The following PHKA2 variants were observed in gnomAD, a reference collection of about 807,000 sequenced individuals.
PHKA2 encodes the protein phosphorylase b kinase regulatory subunit alpha, liver isoform.
A neutral mutation model predicts 102.0 loss-of-function variants in PHKA2; 31 were observed. The observed-to-expected ratio is 0.30, with a 90% CI of 0.23 to 0.41. The LOEUF (loss-of-function observed/expected upper bound fraction) is 0.41, where lower values mean the gene tolerates loss of function less well. Among genes scored for constraint, PHKA2 ranks in the 10% least tolerant of loss-of-function variants. The pLI, the probability that PHKA2 is intolerant of heterozygous loss-of-function variation, is 1.00. For missense variants in PHKA2, 858 were observed against 1,023.1 expected (o/e 0.84, Z 2.20); for synonymous variants, 455 against 416.2 (o/e 1.09, Z -1.13).
At chrX:18,913,725 C>G (rs1426479320) in intron 19 of PHKA2, among the ~76,000 whole-genome samples, 1 of 112,273 alleles carries the variant, frequency 8.9e-6, no homozygotes, top group Non-Finnish European at 1.9e-5. Flanking sequence ...CGTCCTTATT[C>G]TATAAGCTTT....
Position 18,926,195 on chromosome X carries a change from A to G in PHKA2, c.1459+258T>C, listed in dbSNP as rs564216552. On this transcript the variant is annotated intron_variant, in intron 14 of 32. Transcript: ENST00000379942. ...TATCAAGACACAAATGACTTTTCCAATTGTAAATTTTTCAAGGTGGCTCCT... is the reference window on the plus strand; with the variant it reads ...TATCAAGACACAAATGACTTTTCCAGTTGTAAATTTTTCAAGGTGGCTCCT... Among the ~76,000 whole-genome samples the G allele has an allele frequency of 9.8e-5, 11 of 112,547 alleles. No homozygotes were observed. The South Asian group carries it at 4.0e-3, about 41-fold the overall frequency.
chrX:18,932,552 T>C (rs767367053), intron 11 of PHKA2, among the ~76,000 whole-genome samples: 1 of 109,967 alleles, frequency 9.1e-6, no homozygotes, highest in Non-Finnish European at 1.9e-5. Flanking sequence ...ATGATGTTAT[T>C]AACATATTTA....
chrX:18,967,941 C>T (rs2048967329), intron 1 of PHKA2, among the ~76,000 whole-genome samples: 1 of 111,177 alleles, frequency 9.0e-6, no homozygotes, highest in African/African-American at 3.3e-5. Flanking sequence ...CTGGAGACCC[C>T]CTAAGAGCTT....
chrX:18,938,868 T>A lies in PHKA2; in HGVS notation c.919-119A>T, dbSNP rs1190734290. On this transcript the variant is annotated intron_variant, in intron 9 of 32. Coordinates refer to ENST00000379942, the MANE Select transcript of PHKA2 (RefSeq NM_000292.3). ...TTTACAGCTTTGAAGTTGGCATGAG[T>A]AGGATTTTACTATAATGAGATGCTG... The A allele has an allele frequency of 1.8e-5, 12 of 653,927 alleles. No individual in the cohort carries two copies. In the Admixed American group the frequency reaches 2.8e-4, roughly 15 times the overall value. The allele number at this position is 653,927 out of a possible 1,213,427, so 53.9% of individuals were successfully genotyped here. A position where few individuals can be genotyped will look rare whatever the true frequency, so the allele number is the denominator to read the frequency against.
chrX:18,954,261 A>T lies in PHKA2; in HGVS notation c.230T>A (p.Leu77Gln). 1 of 1,211,825 alleles carries T rather than the reference A, an allele frequency of 8.3e-7. No homozygotes were observed. The highest frequency in any genetic ancestry group is 3.0e-5 in the East Asian group (1 of 33,847). ...GCTGTCAGTCACTATTACCTGCTCC[A>T]GCTCGTAGGCCTTGGCCTTGTCCTC... Reference protein sequence around the residue: ...RDEDKAKAYELEQNVVKLMRG... With the variant: ...RDEDKAKAYEQEQNVVKLMRG... Residue 77 changes from leucine (L) to glutamine (Q), a missense_variant, in exon 2 of 33, where the codon CTG (leucine) becomes CAG (glutamine). Around this residue, in one of 2 missense-constraint regions of PHKA2, gnomAD observed 187 missense variants for 277.9 expected, o/e 0.67. Coordinates refer to ENST00000379942, the MANE Select transcript of PHKA2 (RefSeq NM_000292.3).
chrX:18,982,960 A>G (rs1040224234), intron 1 of PHKA2, among the ~76,000 whole-genome samples: 12 of 112,544 alleles, frequency 1.1e-4, no homozygotes, highest in Admixed American at 5.6e-4. Flanking sequence ...TGCTTTGCAT[A>G]TAACAGATAC....
At chrX:18,936,785 G>A (rs1456051705) in intron 10 of PHKA2, among the ~76,000 whole-genome samples, 4 of 112,181 alleles carry the variant, frequency 3.6e-5, no homozygotes, top group East Asian at 2.8e-4. Flanking sequence ...ATGTGTGGGC[G>A]CTAAAAAAGT....
chrX:18,969,528 TC>T (rs1208058348), intron 1 of PHKA2, among the ~76,000 whole-genome samples: 1 of 112,118 alleles, frequency 8.9e-6, no homozygotes, highest in Non-Finnish European at 1.9e-5. Flanking sequence ...GTTTTTTTTT[TC>T]CTTTTCTTCT....
intron 31 of PHKA2, 46 bp downstream of exon 31, chrX:18,895,092 T>C (rs1451285491): frequency 6.9e-6 from 8 of 1,151,568 alleles, no homozygotes; most frequent in Non-Finnish European, 9.5e-6. Flanking sequence ...GAAGCCCTTA[T>C]TGTGAACCCA....
intron 1 of PHKA2, among the ~76,000 whole-genome samples, chrX:18,975,390 T>C (rs542932837): frequency 8.9e-6 from 1 of 112,165 alleles, no homozygotes; most frequent in African/African-American, 3.2e-5. Flanking sequence ...CTCCTCCTTG[T>C]CTTCCGTCAT....
intron 28 of PHKA2, among the ~76,000 whole-genome samples, chrX:18,899,843 T>C: frequency 8.9e-6 from 1 of 112,022 alleles, no homozygotes; most frequent in Non-Finnish European, 1.9e-5. Context: ...GAACAAATAA[T>C]ATGTTCCTTG....
chrX:18,897,077 T>G (rs1229246286), intron 30 of PHKA2, 86 bp downstream of exon 30: 1 of 1,045,038 alleles, frequency 9.6e-7, no homozygotes. Context: ...CAGGGCTGTG[T>G]GTTTGCTCGC....
At chrX:18,920,780 G>T (rs1224622587) in intron 17 of PHKA2, among the ~76,000 whole-genome samples, 1 of 111,766 alleles carries the variant, frequency 8.9e-6, no homozygotes, top group Non-Finnish European at 1.9e-5. Flanking sequence ...AAACCTGGAC[G>T]CTGGGTTTGG....
Position 18,893,263 on chromosome X carries a change from C to T in PHKA2, c.*222G>A. ...CAGAGAAATGAACCTAGAAAATGAT[C>T]CCGGGGTGCTCCTTGCGGGGGAACA... On this transcript the variant is annotated 3_prime_UTR_variant, in exon 33 of 33. Coordinates refer to ENST00000379942, the MANE Select transcript of PHKA2 (RefSeq NM_000292.3). 2.2e-6 allele frequency: 1 copy of T among 444,977 alleles called. No individual in the cohort carries two copies. Among genetic ancestry groups the T allele is most frequent in the South Asian group, 3.2e-5 (1 of 30,811 alleles). The allele number at this position is 444,977 out of a possible 1,213,427, so 36.7% of individuals were successfully genotyped here. A position where few individuals can be genotyped will look rare whatever the true frequency, so the allele number is the denominator to read the frequency against.
intron 15 of PHKA2, 65 bp from the exon 16 acceptor site, chrX:18,924,590 C>T: frequency 9.4e-7 from 1 of 1,058,993 alleles, no homozygotes; most frequent in Non-Finnish European, 1.3e-6. Context: ...CAGCTGACAA[C>T]TCAGGTCAGC....
rs145555852 is a variant in PHKA2, at chrX:18,950,199, G to A, written c.454+905C>T. Among the ~76,000 whole-genome samples the A allele has an allele frequency of 7.7e-3, 866 of 111,766 alleles. 4 individuals carry two copies. The highest frequency in any genetic ancestry group is 0.012 in the Non-Finnish European group (661 of 52,969). On this transcript the variant is annotated intron_variant, in intron 4 of 32. Transcript: ENST00000379942. ...GAGCCTACTCAGCCCGCTGAGTAGCGGGCTGCTCAGCCCGCTCTGGGCACA... is the reference window on the plus strand; with the variant it reads ...GAGCCTACTCAGCCCGCTGAGTAGCAGGCTGCTCAGCCCGCTCTGGGCACA...
At chrX:18,980,147 C>T (rs960631903) in intron 1 of PHKA2, among the ~76,000 whole-genome samples, 1 of 112,845 alleles carries the variant, frequency 8.9e-6, no homozygotes, top group Non-Finnish European at 1.9e-5. Flanking sequence ...TCTCCATTCT[C>T]GATAAACCAG....
intron 1 of PHKA2, among the ~76,000 whole-genome samples, chrX:18,975,381 T>C (rs2049073301): frequency 8.9e-6 from 1 of 111,853 alleles, no homozygotes; most frequent in Non-Finnish European, 1.9e-5. Context: ...TGTGACTTGC[T>C]CCTCCTTGTC....
chrX:18,895,362 A>C (rs1267795886), intron 30 of PHKA2, 171 bp from the exon 31 acceptor site: 1 of 500,774 alleles, frequency 2.0e-6, no homozygotes, highest in Non-Finnish European at 3.6e-6. Context: ...CTCACTGCCC[A>C]CAGGCTGTGT....
Sources: allele counts gnomAD v4.1 joint callset (sites outside exome capture counted in the v4.1 genomes callset), GRCh38; gene constraint gnomAD v4.1.1; regional missense constraint gnomAD v4.1.1; transcripts MANE v1.5; gene names NCBI Gene and HGNC (gene_info 2026-07-23, HGNC 2026-07-21).